TGDS: variants seen among roughly 807,000 people sequenced by gnomAD.
The protein encoded by TGDS is UDP-D-glucose 4,6-dehydratase.
A neutral mutation model predicts 52.3 loss-of-function variants in TGDS; 47 were observed. The ratio of observed to expected loss-of-function variants is 0.90; its 90% confidence interval spans 0.71 to 1.15. The LOEUF (loss-of-function observed/expected upper bound fraction) is 1.15. Among genes scored for constraint, TGDS ranks in the 50% most tolerant of loss-of-function variants. The pLI is 0.00. For synonymous variants in TGDS, 115 were observed against 136.9 expected (o/e 0.84, Z 1.12); for missense variants, 375 against 418.4 (o/e 0.90, Z 0.90).
At chr13:94,591,340 C>A (rs1889196471) in intron 3 of TGDS, among the ~76,000 whole-genome samples, 1 of 152,148 alleles carries the variant, frequency 6.6e-6, no homozygotes, top group African/African-American at 2.4e-5. Context: ...AATCCCTGCA[C>A]CAAAGTGAGG....
chr13:94,591,263 T>C (rs1359008692), intron 3 of TGDS, among the ~76,000 whole-genome samples: 1 of 152,212 alleles, frequency 6.6e-6, no homozygotes. Flanking sequence ...TTAGCACTTT[T>C]TAAAAAACCT....
intron 11 of TGDS, among the ~76,000 whole-genome samples, chr13:94,575,284 G>GC (rs1888559420): frequency 1.6e-5 from 2 of 121,322 alleles, no homozygotes; most frequent in African/African-American, 3.5e-5. Context: ...GAACTTCCTT[G>GC]CTTTTTTTTT....
intron 11 of TGDS, among the ~76,000 whole-genome samples, chr13:94,575,656 A>G (rs1228895929): frequency 6.6e-6 from 1 of 152,068 alleles, no homozygotes; most frequent in Non-Finnish European, 1.5e-5. Flanking sequence ...TTTTTAGTTT[A>G]AAGAAATCTG....
At chr13:94,582,978 C>T in intron 5 of TGDS, 116 bp downstream of exon 5, 1 of 1,121,402 alleles carries the variant, frequency 8.9e-7, no homozygotes, top group East Asian at 2.4e-5. Context: ...CTAATACACT[C>T]TGAAGAGTGC....
At position 94,596,036 on chromosome 13, in the gene TGDS, G is replaced by A. The variant is rs1241687548; in HGVS notation, c.86+15C>T. The A allele has an allele frequency of 2.5e-6, 4 of 1,613,788 alleles. No homozygotes were observed. In the African/African-American group the frequency reaches 4.0e-5, roughly 16 times the overall value. Reference sequence around the variant, plus strand: ...TCTGGGGAGCCACTGCTTGGCTAGCGGCGCCATTACCTACATGAAACCAGC... The same window carrying A: ...TCTGGGGAGCCACTGCTTGGCTAGCAGCGCCATTACCTACATGAAACCAGC... On this transcript the variant is annotated intron_variant, in intron 1 of 11. Transcript: ENST00000261296.
At position 94,589,529 on chromosome 13, in the gene TGDS, T is replaced by C. The variant is rs371104051; in HGVS notation, c.313+1324A>G. ...AGGGGTTTCACCGTGTTAGCCAGGA[T>C]GGTCTCGATTTCCTGACCTCGTGAT... On this transcript the variant is annotated intron_variant, in intron 4 of 11. Transcript: ENST00000261296. Among the ~76,000 whole-genome samples, 7 of 152,182 alleles carry C rather than the reference T, an allele frequency of 4.6e-5. No homozygotes were observed. The East Asian group carries it at 1.2e-3, about 25-fold the overall frequency.
chr13:94,586,407 C>T (rs1888983920), intron 4 of TGDS, among the ~76,000 whole-genome samples: 1 of 151,990 alleles, frequency 6.6e-6, no homozygotes. Context: ...TACACATCAC[C>T]GGGGAAAAAA....
chr13:94,577,910 T>A lies in TGDS; in HGVS notation c.825+95A>T, dbSNP rs1888653881. Reference sequence around the variant, plus strand: ...TTAATTTCATTTTCTACTTGCTTACTTTTAAATTAAGTAAGCTGTATGCTT... The same window carrying A: ...TTAATTTCATTTTCTACTTGCTTACATTTAAATTAAGTAAGCTGTATGCTT... On this transcript the variant is annotated intron_variant, in intron 9 of 11. Coordinates refer to ENST00000261296, the MANE Select transcript of TGDS (RefSeq NM_014305.4). 3.1e-6 allele frequency: 4 copies of A among 1,281,396 alleles called. No homozygotes were observed. In the South Asian group the frequency reaches 6.4e-5, roughly 21 times the overall value. 79.4% of individuals were successfully genotyped at this position (1,281,396 alleles called of 1,614,324 possible).
intron 3 of TGDS, among the ~76,000 whole-genome samples, chr13:94,591,515 C>G (rs571651727): frequency 1.3e-5 from 2 of 152,194 alleles, no homozygotes; most frequent in African/African-American, 4.8e-5. Context: ...ATTGCTTGAA[C>G]CCCGGAGGCA....
Position 94,574,700 on chromosome 13 carries a change from A to T in TGDS, c.*82T>A. ...ATTCCAAAAGAAAAGAGTGCACTTCATTTGGTCACTTAATTTCATACCACT... is the reference window on the plus strand; with the variant it reads ...ATTCCAAAAGAAAAGAGTGCACTTCTTTTGGTCACTTAATTTCATACCACT... On this transcript the variant is annotated 3_prime_UTR_variant, in exon 12 of 12. Transcript: ENST00000261296. 1.2e-6 allele frequency: 1 copy of T among 820,938 alleles called. No homozygotes were observed. The highest frequency in any genetic ancestry group is 2.0e-6 in the Non-Finnish European group (1 of 490,790). 50.9% of individuals were successfully genotyped at this position (820,938 alleles called of 1,614,324 possible). A position where few individuals can be genotyped will look rare whatever the true frequency, so the allele number is the denominator to read the frequency against.
chr13:94,574,906 A>C, intron 11 of TGDS, 54 bp from the exon 12 acceptor site: 1 of 1,150,766 alleles, frequency 8.7e-7, no homozygotes, highest in Non-Finnish European at 1.3e-6. Flanking sequence ...GAAAAACTAA[A>C]CATCAGTTAA....
At chr13:94,595,426 T>C (rs186600431) in intron 1 of TGDS, among the ~76,000 whole-genome samples, 3 of 152,248 alleles carry the variant, frequency 2.0e-5, no homozygotes, top group Admixed American at 2.0e-4. Context: ...AGCAACAGGC[T>C]TTAAAGGAAC....
chr13:94,581,149 T>C lies in TGDS; in HGVS notation c.497A>G (p.Tyr166Cys), dbSNP rs774337095. The C allele has an allele frequency of 1.3e-6, 2 of 1,596,164 alleles. No homozygotes were observed. Among genetic ancestry groups the C allele is most frequent in the South Asian group, 1.2e-5 (1 of 85,500 alleles). ...ESSPKQPTNP[Y>C]ASSKAAAECF... ...TTCAGCAGCTGCTTTAGATGATGCATAAGGATTTGTAGGTTGTTTGGGTGA... is the reference window on the plus strand; with the variant it reads ...TTCAGCAGCTGCTTTAGATGATGCACAAGGATTTGTAGGTTGTTTGGGTGA... Residue 166 changes from tyrosine to cysteine, a missense_variant, in exon 6 of 12, where the codon TAT (tyrosine) becomes TGT (cysteine). Tyr to Cys is a radical substitution (Grantham distance 194). Transcript: ENST00000261296.
At chr13:94,583,015 A>C in intron 5 of TGDS, 79 bp downstream of exon 5, 1 of 1,495,230 alleles carries the variant, frequency 6.7e-7, no homozygotes. Flanking sequence ...TTGAGGATGA[A>C]AAAAGCCCAG....
rs1889172738 is a variant in TGDS, at chr13:94,590,852, C to T, written c.313+1G>A. On this transcript the variant is annotated splice_donor_variant, in intron 4 of 11. Coordinates refer to ENST00000261296, the MANE Select transcript of TGDS (RefSeq NM_014305.4). LOFTEE classifies it high-confidence loss of function. The stretch of plus-strand genomic sequence containing the variant: ...TAACTGTAACATAAAACAATGCTTA[C>T]CTACATGTGTTTGTGCGGCAAAATG... 3 of 1,564,078 alleles carry T rather than the reference C, an allele frequency of 1.9e-6. No homozygotes were observed. Among genetic ancestry groups the T allele is most frequent in the Admixed American group, 2.2e-5 (1 of 46,200 alleles).
intron 8 of TGDS, 80 bp from the exon 9 acceptor site, chr13:94,578,250 CA>C: frequency 7.7e-7 from 1 of 1,302,922 alleles, no homozygotes; most frequent in Non-Finnish European, 1.1e-6. Flanking sequence ...ACTACAACTC[CA>C]GAGAAGCTAA....
At chr13:94,577,011 G>A (rs1486094602) in intron 10 of TGDS, among the ~76,000 whole-genome samples, 1 of 151,528 alleles carries the variant, frequency 6.6e-6, no homozygotes, top group African/African-American at 2.4e-5. Context: ...TGAGGCAGGA[G>A]AACTGCTTGA....
chr13:94,584,133 T>C (rs999980906), intron 4 of TGDS, among the ~76,000 whole-genome samples: 1 of 152,238 alleles, frequency 6.6e-6, no homozygotes, highest in Non-Finnish European at 1.5e-5. Flanking sequence ...GGAAGGAAAC[T>C]TGGAAATATC....
Position 94,581,088 on chromosome 13 carries a change from T to C in TGDS, c.555+3A>G. 6.6e-7 allele frequency: 1 copy of C among 1,506,742 alleles called. No homozygotes were observed. The allele number at this position is 1,506,742 out of a possible 1,614,324, so 93.3% of individuals were successfully genotyped here. ...TTCAAGAGTTTCTGCAATCAGTTCT[T>C]ACCTTATATTGTTCCCAGTAAGACT... On this transcript the variant is annotated splice_donor_region_variant and intron_variant, in intron 6 of 11. Transcript: ENST00000261296.
Sources: gnomAD v4.1 joint callset for allele counts (sites outside exome capture counted in the v4.1 genomes callset) on GRCh38, gnomAD v4.1.1 for gene constraint, MANE v1.5 for transcripts, NCBI Gene and HGNC (gene_info 2026-07-23, HGNC 2026-07-21) for gene names.